Variants in PCDHGA3 observed in about 807,000 individuals in gnomAD.
The protein encoded by PCDHGA3 is protocadherin gamma-A3.
In PCDHGA3, 40 loss-of-function variants were observed where a neutral mutation model predicts 58.5. The observed-to-expected ratio is 0.68, with a 90% CI of 0.53 to 0.89. The LOEUF (loss-of-function observed/expected upper bound fraction) is 0.89, where lower values mean the gene tolerates loss of function less well. Among genes scored for constraint, PCDHGA3 ranks in the 40% least tolerant of loss-of-function variants. PCDHGA3 has a pLI of 0.00. For missense variants in PCDHGA3, 1,223 were observed against 1,195.9 expected (o/e 1.02, Z -0.33); for synonymous variants, 530 against 525.7 (o/e 1.01, Z -0.11).
rs950164698 is a variant in PCDHGA3, at chr5:141,423,459, G to A, written c.2425-71348G>A. ...TGCCCACGTCACATTTTGTAGGCGT[G>A]GACGGGGTACAGGCTTTCCTGCAAA... On this transcript the variant is annotated intron_variant, in intron 1 of 3. Coordinates refer to ENST00000253812, the MANE Select transcript of PCDHGA3 (RefSeq NM_018916.4). 4.3e-6 allele frequency: 7 copies of A among 1,614,006 alleles called. No individual in the cohort carries two copies. In the South Asian group the frequency reaches 6.6e-5, roughly 15 times the overall value.
At chr5:141,473,623 A>T (rs186624707) in intron 1 of PCDHGA3, among the ~76,000 whole-genome samples, 8 of 152,280 alleles carry the variant, frequency 5.3e-5, no homozygotes, top group Non-Finnish European at 1.5e-5. Flanking sequence ...GAGGGAGGAA[A>T]AAGCAGCTTT....
chr5:141,504,680 A>G (rs912248504), intron 2 of PCDHGA3, among the ~76,000 whole-genome samples: 1 of 150,294 alleles, frequency 6.7e-6, no homozygotes, highest in Non-Finnish European at 1.5e-5. Flanking sequence ...GGGTTCTTGT[A>G]AAATAGGAGG....
chr5:141,385,490 G>A, intron 1 of PCDHGA3: 15 of 1,399,988 alleles, frequency 1.1e-5, no homozygotes, highest in East Asian at 2.6e-5. Context: ...AGAACACATA[G>A]GATATAGTAT....
At chr5:141,417,555 TAGAGA>T (rs926975589) in intron 1 of PCDHGA3, 38 of 335,630 alleles carry the variant, frequency 1.1e-4, no homozygotes, top group Non-Finnish European at 1.5e-4. Context: ...TTGAAAGAGG[TAGAGA>T]AAAGTCAAGT....
At chr5:141,502,406 T>G (rs1390520101) in intron 2 of PCDHGA3, among the ~76,000 whole-genome samples, 1 of 152,072 alleles carries the variant, frequency 6.6e-6, no homozygotes, top group African/African-American at 2.4e-5. Context: ...TCCCCGAACC[T>G]GGATTTGCTG....
chr5:141,464,773 C>G (rs576769467), intron 1 of PCDHGA3, among the ~76,000 whole-genome samples: 79 of 152,106 alleles, frequency 5.2e-4, no homozygotes, highest in African/African-American at 1.9e-3. Context: ...GAATCTTGTT[C>G]TGTTGCCCAG....
Position 141,432,205 on chromosome 5 carries a change from A to G in PCDHGA3, c.2425-62602A>G, listed in dbSNP as rs764567227. 1 of 1,614,180 alleles carries G rather than the reference A, an allele frequency of 6.2e-7. No individual in the cohort carries two copies. Among genetic ancestry groups the G allele is most frequent in the South Asian group, 1.1e-5 (1 of 91,074 alleles). On this transcript the variant is annotated intron_variant, in intron 1 of 3. Transcript: ENST00000253812. This position sits in a 1 kb window ranked among gnomAD's most constrained non-coding sequence, Gnocchi z 6.0. The stretch of plus-strand genomic sequence containing the variant: ...TGACCGCCCACGACCCCGACTGTGA[A>G]GAGAACGCCCAGATCACTTATTCCC...
At chr5:141,365,777 G>T (rs543335678) in intron 1 of PCDHGA3, 1 of 1,613,854 alleles carries the variant, frequency 6.2e-7, no homozygotes, top group South Asian at 1.1e-5. Context: ...CGACAGCGGC[G>T]ACAACGCTCG....
At chr5:141,389,240 G>A (rs903029281) in intron 1 of PCDHGA3, 4 of 1,613,902 alleles carry the variant, frequency 2.5e-6, no homozygotes, top group African/African-American at 1.3e-5. Context: ...TTTTCTCACA[G>A]TCTTCCTATA....
intron 1 of PCDHGA3, chr5:141,365,786 C>G (rs1446985601): frequency 1.2e-6 from 2 of 1,613,932 alleles, no homozygotes; most frequent in East Asian, 2.2e-5. Flanking sequence ...CGACAACGCT[C>G]GAGTCACCTA....
chr5:141,496,984 G>C (rs938752499), intron 2 of PCDHGA3, among the ~76,000 whole-genome samples: 1 of 151,896 alleles, frequency 6.6e-6, no homozygotes, highest in Admixed American at 6.6e-5. Context: ...TCAGGGGTTT[G>C]AGACCAGCCT....
intron 1 of PCDHGA3, chr5:141,378,992 A>G (rs1300045216): frequency 6.6e-6 from 1 of 152,246 alleles, no homozygotes; most frequent in Non-Finnish European, 1.5e-5. Flanking sequence ...ACTACATTAT[A>G]GTCAAGATTT....
chr5:141,474,260 A>G (rs1459875243), intron 1 of PCDHGA3, among the ~76,000 whole-genome samples: 1 of 152,170 alleles, frequency 6.6e-6, no homozygotes, highest in Non-Finnish European at 1.5e-5. Flanking sequence ...AGACTGATAA[A>G]CCAGTGTATC....
chr5:141,348,025 T>C (rs896996512), intron 1 of PCDHGA3, among the ~76,000 whole-genome samples: 4 of 152,230 alleles, frequency 2.6e-5, no homozygotes, highest in Non-Finnish European at 5.9e-5. Context: ...CCAGACAATC[T>C]CTTCCAACAA....
At chr5:141,359,674 C>T (rs1431712939) in intron 1 of PCDHGA3, among the ~76,000 whole-genome samples, 1 of 151,866 alleles carries the variant, frequency 6.6e-6, no homozygotes, top group Admixed American at 6.6e-5. Context: ...AATCCGTTGC[C>T]CTATACAAGA....
chr5:141,409,445 A>G, intron 1 of PCDHGA3: 1 of 1,613,988 alleles, frequency 6.2e-7, no homozygotes, highest in Non-Finnish European at 8.5e-7. Context: ...CCGAGAGCAG[A>G]CACCAGAATA....
At chr5:141,446,767 G>T (rs891355909) in intron 1 of PCDHGA3, among the ~76,000 whole-genome samples, 1 of 152,118 alleles carries the variant, frequency 6.6e-6, no homozygotes, top group African/African-American at 2.4e-5. Flanking sequence ...GCGCCCAGCC[G>T]GTTACCATTC....
intron 1 of PCDHGA3, chr5:141,397,846 A>C: frequency 1.9e-6 from 1 of 528,462 alleles, no homozygotes; most frequent in South Asian, 3.1e-5. Flanking sequence ...GAAGCCGCAG[A>C]GGCTGTAGTT....
At chr5:141,414,198 A>G (rs1561747621) in intron 1 of PCDHGA3, 2 of 1,611,542 alleles carry the variant, frequency 1.2e-6, no homozygotes, top group Non-Finnish European at 1.7e-6. Flanking sequence ...TGATTACAGT[A>G]GAAGATGTAA....
Sources: gnomAD v4.1 joint callset for allele counts (sites outside exome capture counted in the v4.1 genomes callset) on GRCh38, gnomAD v4.1.1 for gene constraint, Gnocchi (gnomAD v3.1) non-coding constraint, MANE v1.5 for transcripts, NCBI Gene and HGNC (gene_info 2026-07-23, HGNC 2026-07-21) for gene names.